The following TXNRD1 variants were observed in gnomAD, a reference collection of about 807,000 sequenced individuals.
The protein encoded by TXNRD1 is thioredoxin reductase 1.
In TXNRD1, 57 loss-of-function variants were observed where a neutral mutation model predicts 80.3. The ratio of observed to expected loss-of-function variants is 0.71; its 90% CI spans 0.57 to 0.89. The LOEUF is 0.89. Ranked by LOEUF, TXNRD1 falls within the 40% of genes least tolerant of loss-of-function variation. The pLI, the probability that TXNRD1 is intolerant of heterozygous loss-of-function variation, is 0.00. For synonymous variants in TXNRD1, 291 were observed against 285.2 expected (o/e 1.02, Z -0.20); for missense variants, 730 against 803.0 (o/e 0.91, Z 1.10).
intron 3 of TXNRD1, among the ~76,000 whole-genome samples, chr12:104,272,702 G>A (rs2033676568): frequency 6.6e-6 from 1 of 151,466 alleles, no homozygotes; most frequent in Non-Finnish European, 1.5e-5. Flanking sequence ...TGAGGCAGGA[G>A]AATGGCATGA....
intron 13 of TXNRD1, among the ~76,000 whole-genome samples, chr12:104,329,648 CAA>C (rs879800615): frequency 7.0e-6 from 1 of 143,012 alleles, no homozygotes; most frequent in Admixed American, 7.0e-5. Flanking sequence ...ACCCTGTCTC[CAA>C]AAAAAAAAAT....
At chr12:104,302,251 GTTTA>G (rs1269654438) in intron 4 of TXNRD1, among the ~76,000 whole-genome samples, 2 of 152,122 alleles carry the variant, frequency 1.3e-5, no homozygotes, top group African/African-American at 4.8e-5. Flanking sequence ...AGATTTTGCT[GTTTA>G]TACATTTACA....
intron 3 of TXNRD1, among the ~76,000 whole-genome samples, chr12:104,263,920 C>T (rs1280506684): frequency 6.6e-6 from 1 of 152,162 alleles, no homozygotes; most frequent in East Asian, 1.9e-4. Flanking sequence ...GGAATTAATT[C>T]TGTTGTTGTG....
At chr12:104,329,477 ATC>A (rs2035876671) in intron 13 of TXNRD1, among the ~76,000 whole-genome samples, 1 of 151,926 alleles carries the variant, frequency 6.6e-6, no homozygotes, top group Admixed American at 6.6e-5. Context: ...GTGAAACCCT[ATC>A]TCTACAAAAT....
At position 104,275,251 on chromosome 12, in the gene TXNRD1, C is replaced by T. The variant is rs183986650; in HGVS notation, c.305-13680C>T. Among the ~76,000 whole-genome samples the T allele has an allele frequency of 8.6e-5, 13 of 151,176 alleles. No individual in the cohort carries two copies. The East Asian group carries it at 2.3e-3, about 27-fold the overall frequency. On this transcript the variant is annotated intron_variant, in intron 3 of 16. Transcript: ENST00000525566. ...TGAGATCGCACCATTGCACTCCAGCCTGGGCAACAAGAGCCAAACTCCATC... is the reference window on the plus strand; with the variant it reads ...TGAGATCGCACCATTGCACTCCAGCTTGGGCAACAAGAGCCAAACTCCATC...
chr12:104,244,212 A>C (rs915219668), intron 1 of TXNRD1, among the ~76,000 whole-genome samples: 2 of 152,224 alleles, frequency 1.3e-5, no homozygotes, highest in Non-Finnish European at 2.9e-5. Flanking sequence ...AGGTGGCAGT[A>C]GTCATGGGTG....
chr12:104,281,987 G>T (rs987238090), intron 3 of TXNRD1, among the ~76,000 whole-genome samples: 3 of 152,078 alleles, frequency 2.0e-5, no homozygotes, highest in African/African-American at 7.2e-5. Context: ...CCTAGCTTAG[G>T]GCTTTAGTAT....
chr12:104,333,999 G>T, intron 14 of TXNRD1: 1 of 261,296 alleles, frequency 3.8e-6, no homozygotes, highest in Non-Finnish European at 7.0e-6. Flanking sequence ...TATTAGTTAG[G>T]GTGTACTATT....
At chr12:104,330,811 C>G (rs1441653036) in intron 13 of TXNRD1, among the ~76,000 whole-genome samples, 5 of 152,094 alleles carry the variant, frequency 3.3e-5, no homozygotes, top group African/African-American at 1.2e-4. Flanking sequence ...TGGTCTCGAA[C>G]TCCTGACCTC....
intron 6 of TXNRD1, among the ~76,000 whole-genome samples, chr12:104,314,636 C>A: frequency 6.6e-6 from 1 of 151,828 alleles, no homozygotes; most frequent in East Asian, 1.9e-4. Flanking sequence ...GATACTAAAC[C>A]TATTTTTAGG....
chr12:104,318,487 C>G (rs2035407986), intron 7 of TXNRD1, among the ~76,000 whole-genome samples: 1 of 152,188 alleles, frequency 6.6e-6, no homozygotes. Context: ...AGCTGATGGG[C>G]TGGATTGGCC....
chr12:104,273,307 G>C (rs2033692512), intron 3 of TXNRD1, among the ~76,000 whole-genome samples: 1 of 152,098 alleles, frequency 6.6e-6, no homozygotes, highest in Non-Finnish European at 1.5e-5. Flanking sequence ...TAACAAGAAT[G>C]CTCGGGCAGG....
At chr12:104,335,419 C>T (rs1316520794) in intron 15 of TXNRD1, among the ~76,000 whole-genome samples, 2 of 152,034 alleles carry the variant, frequency 1.3e-5, no homozygotes, top group Non-Finnish European at 2.9e-5. Context: ...AGGCTGGTCT[C>T]GAACTCCTGA....
intron 3 of TXNRD1, among the ~76,000 whole-genome samples, chr12:104,284,990 G>A (rs759634416): frequency 1.1e-4 from 17 of 152,060 alleles, no homozygotes; most frequent in Non-Finnish European, 1.8e-4. Flanking sequence ...CCTGGCCAAC[G>A]TGTTGAAACC....
At chr12:104,339,662 GA>G (rs1157954531) in intron 16 of TXNRD1, among the ~76,000 whole-genome samples, 1 of 152,162 alleles carries the variant, frequency 6.6e-6, no homozygotes, top group Non-Finnish European at 1.5e-5. Flanking sequence ...AATGAGATTT[GA>G]AAATGATGCT....
chr12:104,313,743 A>G (rs2035221350), intron 6 of TXNRD1, among the ~76,000 whole-genome samples: 1 of 152,214 alleles, frequency 6.6e-6, no homozygotes, highest in Non-Finnish European at 1.5e-5. Flanking sequence ...TTTACTGAAC[A>G]TTTATTATGA....
intron 3 of TXNRD1, among the ~76,000 whole-genome samples, chr12:104,267,241 C>CTTTCTTTCTTTCTTTCTT (rs755476528): frequency 1.2e-5 from 1 of 85,750 alleles, no homozygotes; most frequent in Non-Finnish European, 2.1e-5. Flanking sequence ...ATTTTCTTTT[C>CTTTCTTTCTTTCTTTCTT]TCTTTCTTTC....
At chr12:104,244,283 A>G (rs2032933882) in intron 1 of TXNRD1, among the ~76,000 whole-genome samples, 1 of 152,182 alleles carries the variant, frequency 6.6e-6, no homozygotes, top group South Asian at 2.1e-4. Flanking sequence ...TTTCTTGAGG[A>G]GGAGTGTCCT....
At chr12:104,322,987 T>C (rs924348889) in intron 10 of TXNRD1, among the ~76,000 whole-genome samples, 5 of 133,662 alleles carry the variant, frequency 3.7e-5, no homozygotes, top group South Asian at 5.5e-4. Flanking sequence ...TACTTGAGAT[T>C]AGGGAGTGGT....
Sources: gnomAD v4.1 joint callset for allele counts (sites outside exome capture counted in the v4.1 genomes callset) on GRCh38, gnomAD v4.1.1 for gene constraint, MANE v1.5 for transcripts, NCBI Gene and HGNC (gene_info 2026-07-23, HGNC 2026-07-21) for gene names.